The following PI4KA variants were observed in gnomAD, a reference collection of about 807,000 sequenced individuals.
PI4KA encodes the protein phosphatidylinositol 4-kinase alpha.
In PI4KA, 122 loss-of-function variants were observed where a neutral mutation model predicts 271.4. The observed-to-expected ratio is 0.45, with a 90% CI of 0.39 to 0.52. The LOEUF (loss-of-function observed/expected upper bound fraction) is 0.52. Ranked by LOEUF, PI4KA falls within the 20% of genes least tolerant of loss-of-function variation. The pLI, the probability that PI4KA is intolerant of heterozygous loss-of-function variation, is 0.00. For missense variants in PI4KA, 1,969 were observed against 2,769.1 expected (o/e 0.71, Z 6.48); for synonymous variants, 1,041 against 1,078.8 (o/e 0.96, Z 0.69).
intron 29 of PI4KA, 176 bp downstream of exon 29, chr22:20,747,407 A>G (rs1366954813): frequency 7.8e-6 from 4 of 515,328 alleles, no homozygotes; most frequent in Non-Finnish European, 1.3e-5. Flanking sequence ...TTCAATGGCC[A>G]CCTCTTCTTT....
intron 10 of PI4KA, among the ~76,000 whole-genome samples, chr22:20,806,329 G>A (rs1197458359): frequency 1.3e-5 from 2 of 151,996 alleles, no homozygotes; most frequent in Non-Finnish European, 2.9e-5. Flanking sequence ...ATGAAAGAGG[G>A]ACTAGAAGAA....
chr22:20,747,558 T>C (rs1209895462), intron 29 of PI4KA, 25 bp downstream of exon 29: 1 of 1,612,566 alleles, frequency 6.2e-7, no homozygotes, highest in Non-Finnish European at 8.5e-7. Context: ...AAGGGGTCAC[T>C]GCTCTTCAGA....
intron 19 of PI4KA, among the ~76,000 whole-genome samples, chr22:20,773,717 T>TG (rs1249009207): frequency 6.6e-6 from 1 of 152,156 alleles, no homozygotes; most frequent in African/African-American, 2.4e-5. Flanking sequence ...GGAGAGCAGG[T>TG]GGAGGGCAGA....
At chr22:20,713,727 C>A (rs1925633958) in intron 47 of PI4KA, among the ~76,000 whole-genome samples, 2 of 152,210 alleles carry the variant, frequency 1.3e-5, no homozygotes, top group East Asian at 3.9e-4. Context: ...ACACTGGGGT[C>A]CTGGGAGGGC....
Position 20,747,949 on chromosome 22 carries a change from T to C in PI4KA, c.3244-247A>G, listed in dbSNP as rs1338547274. 2.6e-5 allele frequency among the ~76,000 whole-genome samples: 4 copies of C among 151,774 alleles called. No individual in the cohort carries two copies. In the East Asian group the frequency reaches 7.7e-4, roughly 29 times the overall value. On this transcript the variant is annotated intron_variant, in intron 28 of 54. Coordinates refer to ENST00000255882, the MANE Select transcript of PI4KA (RefSeq NM_058004.4). ...ATGGTGTCTCACTATATTGCTCAGG[T>C]TGGCTTGAATTCCTGGGCTCAAGTG...
chr22:20,831,476 G>A (rs954925418), intron 3 of PI4KA, among the ~76,000 whole-genome samples: 1 of 152,128 alleles, frequency 6.6e-6, no homozygotes, highest in East Asian at 1.9e-4. Context: ...GCTGAGGCAT[G>A]AGAATTGCTT....
chr22:20,808,168 T>C (rs926961023), intron 9 of PI4KA, among the ~76,000 whole-genome samples: 1 of 151,858 alleles, frequency 6.6e-6, no homozygotes, highest in Non-Finnish European at 1.5e-5. Flanking sequence ...TACATGACTG[T>C]AATCCCAGCT....
At chr22:20,796,777 C>T (rs557288457) in intron 17 of PI4KA, among the ~76,000 whole-genome samples, 1 of 152,388 alleles carries the variant, frequency 6.6e-6, no homozygotes, top group Admixed American at 6.5e-5. Flanking sequence ...CTGCCTCCAC[C>T]TTGGAGCTGA....
chr22:20,779,161 A>G lies in PI4KA; in HGVS notation c.2329-13468T>C, dbSNP rs2147476601. 1.9e-6 allele frequency: 3 copies of G among 1,543,888 alleles called. No individual in the cohort carries two copies. The South Asian group carries it at 3.5e-5, about 18-fold the overall frequency. ...ACATCAGATTCTCTTAAAGTCCATGATCCTAAAACAGTTAAGAACTAATGC... is the reference window on the plus strand; with the variant it reads ...ACATCAGATTCTCTTAAAGTCCATGGTCCTAAAACAGTTAAGAACTAATGC... On this transcript the variant is annotated intron_variant, in intron 19 of 54. Transcript: ENST00000255882.
chr22:20,801,885 C>A, intron 14 of PI4KA, 88 bp downstream of exon 14: 1 of 1,433,622 alleles, frequency 7.0e-7, no homozygotes, highest in East Asian at 2.3e-5. Flanking sequence ...GACTCAATCT[C>A]AAAAAAGAAG....
chr22:20,796,533 G>A (rs1278972197), intron 17 of PI4KA, among the ~76,000 whole-genome samples: 5 of 152,222 alleles, frequency 3.3e-5, no homozygotes, highest in African/African-American at 1.2e-4. Context: ...AGAAATGACT[G>A]CAATCCTCTC....
At chr22:20,786,275 C>A in intron 19 of PI4KA, 1 of 1,067,374 alleles carries the variant, frequency 9.4e-7, no homozygotes, top group Non-Finnish European at 1.4e-6. Flanking sequence ...GTCTGCTCTT[C>A]GGCCTGGGTG....
intron 19 of PI4KA, among the ~76,000 whole-genome samples, chr22:20,775,402 C>CT (rs1387643604): frequency 6.6e-6 from 1 of 152,148 alleles, no homozygotes; most frequent in African/African-American, 2.4e-5. Context: ...ATATTTTCTC[C>CT]TTCCTCTGGT....
intron 19 of PI4KA, among the ~76,000 whole-genome samples, chr22:20,771,565 C>CTTTATTTATTTA (rs361642): frequency 1.9e-4 from 28 of 147,342 alleles, no homozygotes; most frequent in Admixed American, 4.1e-4. Flanking sequence ...AATATGTTGG[C>CTTTATTTATTTA]TTTATTTATT....
chr22:20,833,020 T>C (rs1924391738), intron 3 of PI4KA, among the ~76,000 whole-genome samples: 1 of 152,212 alleles, frequency 6.6e-6, no homozygotes, highest in Non-Finnish European at 1.5e-5. Context: ...CATTGGCTAA[T>C]GTTCTTTCAA....
At position 20,727,243 on chromosome 22, in the gene PI4KA, C is replaced by A. The variant is rs373067047; in HGVS notation, c.4928G>T (p.Arg1643Leu). 9 of 1,612,538 alleles carry A rather than the reference C, an allele frequency of 5.6e-6. No individual in the cohort carries two copies. The African/African-American group carries it at 1.2e-4, about 22-fold the overall frequency. ...LTAQYGVKVL[R>L]SFPPDAILFY... ...CCCTGGGCTCACCGGAGGGAAGGACCGCAGGACTTTCACCCCGTACTGCGC... is the reference window on the plus strand; with the variant it reads ...CCCTGGGCTCACCGGAGGGAAGGACAGCAGGACTTTCACCCCGTACTGCGC... The change falls in exon 41 of 55, where the codon CGG (arginine) becomes CTG (leucine). Residue 1643 changes from arginine to leucine, a missense_variant. Physicochemically the swap from Arg to Leu is moderately radical, Grantham distance 102. Transcript: ENST00000255882.
At chr22:20,743,691 TAAG>T (rs1157453632) in intron 30 of PI4KA, among the ~76,000 whole-genome samples, 2 of 152,112 alleles carry the variant, frequency 1.3e-5, no homozygotes, top group Non-Finnish European at 2.9e-5. Flanking sequence ...GACAGAGTGC[TAAG>T]AAGGAGTGAA....
intron 19 of PI4KA, among the ~76,000 whole-genome samples, chr22:20,766,308 T>A (rs1932517735): frequency 6.6e-6 from 1 of 151,944 alleles, no homozygotes. Flanking sequence ...GAGGGGCTAT[T>A]GTCCTTGTGT....
intron 45 of PI4KA, among the ~76,000 whole-genome samples, chr22:20,715,674 C>T (rs1568947354): frequency 6.6e-6 from 1 of 151,744 alleles, no homozygotes; most frequent in Non-Finnish European, 1.5e-5. Context: ...GGGGTTTCAC[C>T]AAGTTGGCCA....
Sources: gnomAD v4.1 joint callset for allele counts (sites outside exome capture counted in the v4.1 genomes callset) on GRCh38, gnomAD v4.1.1 for gene constraint, MANE v1.5 for transcripts, NCBI Gene and HGNC (gene_info 2026-07-23, HGNC 2026-07-21) for gene names.